Variants in DENND3 observed in about 807,000 individuals in gnomAD.
The protein encoded by DENND3 is DENN domain containing 3.
A neutral mutation model predicts 135.1 loss-of-function variants in DENND3; 88 were observed. That is an observed-to-expected ratio of 0.65 (90% confidence interval 0.55 to 0.78). The LOEUF (loss-of-function observed/expected upper bound fraction) is 0.78. Among genes scored for constraint, DENND3 ranks in the 30% least tolerant of loss-of-function variants. The pLI is 0.00. For synonymous variants in DENND3, 693 were observed against 712.3 expected (o/e 0.97, Z 0.43); for missense variants, 1,392 against 1,688.4 (o/e 0.82, Z 3.08).
chr8:141,158,501 C>T (rs1819723723), intron 8 of DENND3, among the ~76,000 whole-genome samples: 2 of 152,210 alleles, frequency 1.3e-5, no homozygotes, highest in African/African-American at 2.4e-5. Context: ...TGCAGGATGT[C>T]GTGTCTCCCA....
At chr8:141,160,860 C>T in intron 9 of DENND3, 73 bp downstream of exon 9, 2 of 1,533,354 alleles carry the variant, frequency 1.3e-6, no homozygotes, top group Admixed American at 1.8e-5. Flanking sequence ...GGATCGTGCA[C>T]CCCGCCCCAG....
chr8:141,165,889 C>A (rs1346450126), intron 11 of DENND3, among the ~76,000 whole-genome samples: 2 of 152,114 alleles, frequency 1.3e-5, no homozygotes, highest in Admixed American at 6.6e-5. Context: ...CCACCTCCCC[C>A]CATCCTCAAA....
chr8:141,155,925 A>G lies in DENND3; in HGVS notation c.1151A>G (p.Asp384Gly), dbSNP rs1396337699. The G allele has an allele frequency of 6.2e-7, 1 of 1,612,736 alleles. No homozygotes were observed. Among genetic ancestry groups the G allele is most frequent in the Non-Finnish European group, 8.5e-7 (1 of 1,179,218 alleles). Reference protein sequence around the residue: ...TYSKSTDDNVDIPDVPLLAAQ... With the variant: ...TYSKSTDDNVGIPDVPLLAAQ... ...TCCAAGTCCACGGACGATAACGTGGACATTCCTGATGTCCCCCTCCTGGCA... is the reference window on the plus strand; with the variant it reads ...TCCAAGTCCACGGACGATAACGTGGGCATTCCTGATGTCCCCCTCCTGGCA... The change falls in exon 8 of 23, where the codon GAC (aspartate) becomes GGC (glycine). Residue 384 changes from aspartate to glycine, a missense_variant. Transcript: ENST00000519811.
At chr8:141,183,753 A>AT (rs1555553575) in intron 17 of DENND3, among the ~76,000 whole-genome samples, 3 of 127,862 alleles carry the variant, frequency 2.3e-5, no homozygotes, top group African/African-American at 9.2e-5. Flanking sequence ...TTTTTTTTTA[A>AT]TTTAAAAAAA....
intron 8 of DENND3, among the ~76,000 whole-genome samples, chr8:141,159,659 C>T (rs184696254): frequency 6.6e-5 from 10 of 152,350 alleles, no homozygotes; most frequent in African/African-American, 2.4e-4. Flanking sequence ...CAGTGTATGG[C>T]ATACAGTAGG....
At position 141,145,803 on chromosome 8, in the gene DENND3, TTATATATATATATATATATATATATA is replaced by T. The variant is rs60546894; in HGVS notation, c.735+1566_735+1591del. On this transcript the variant is annotated intron_variant, in intron 5 of 22. Transcript: ENST00000519811. The stretch of plus-strand genomic sequence containing the variant: ...GTTTATTTGTCTTTAATATTGAATA[TTATATATATATATATATATATATATA>T]TATATATATATATATATATATGTAT... Among the ~76,000 whole-genome samples, 36 of 87,116 alleles carry T rather than the reference TTATATATATATATATATATATATATA, an allele frequency of 4.1e-4. 1 individual carries two copies. Among genetic ancestry groups the T allele is most frequent in the South Asian group, 3.8e-3 (9 of 2,394 alleles). The allele number at this position is 87,116 out of a possible 152,430, so 57.2% of individuals were successfully genotyped here.
rs1819176829 is a variant in DENND3 at position 141,154,360 on chromosome 8, C to T, written c.1075-1489C>T. ...ATTCCAGGGCTACGCGGTCTCTTAG[C>T]CCAGGCCCCTGCCCATGCTCTGGTG... On this transcript the variant is annotated intron_variant, in intron 7 of 22. Coordinates refer to ENST00000519811, the MANE Select transcript of DENND3 (RefSeq NM_001352890.3). This position sits in a 1 kb window ranked among gnomAD's most constrained non-coding sequence, Gnocchi z 4.4. Among the ~76,000 whole-genome samples the T allele has an allele frequency of 6.6e-6, 1 of 152,170 alleles. No individual in the cohort carries two copies.
intron 7 of DENND3, among the ~76,000 whole-genome samples, chr8:141,153,483 C>T (rs903738281): frequency 6.6e-6 from 1 of 152,230 alleles, no homozygotes; most frequent in Non-Finnish European, 1.5e-5. Context: ...TTGCCAGCTT[C>T]GCAGTCACCC....
At chr8:141,176,276 CA>C (rs1444997133) in intron 14 of DENND3, 47 of 159,388 alleles carry the variant, frequency 2.9e-4, no homozygotes, top group African/African-American at 2.1e-3. Context: ...TAAAAAAAAA[CA>C]AAAACAAAAC....
At chr8:141,131,284 G>A (rs1816060846) in intron 1 of DENND3, among the ~76,000 whole-genome samples, 1 of 152,176 alleles carries the variant, frequency 6.6e-6, no homozygotes, top group African/African-American at 2.4e-5. Context: ...TTGCTATGGA[G>A]ACTAGACATA....
intron 1 of DENND3, among the ~76,000 whole-genome samples, chr8:141,133,846 A>T (rs138485473): frequency 6.6e-6 from 1 of 152,158 alleles, no homozygotes; most frequent in East Asian, 1.9e-4. Flanking sequence ...TGAGACCGTA[A>T]GTTTAAGGGA....
At chr8:141,160,569 G>A (rs1019464119) in intron 8 of DENND3, 63 bp from the exon 9 acceptor site, 35 of 1,482,492 alleles carry the variant, frequency 2.4e-5, no homozygotes, top group Admixed American at 4.3e-5. Context: ...TGGGCTGTGT[G>A]CTGGTGAGCG....
Position 141,155,923 on chromosome 8 carries a change from G to C in DENND3, c.1149G>C (p.Val383=). 6.2e-7 allele frequency: 1 copy of C among 1,612,340 alleles called. No homozygotes were observed. The highest frequency in any genetic ancestry group is 1.1e-5 in the South Asian group (1 of 90,828). The change falls in exon 8 of 23, where the codon GTG becomes GTC. Residue 383 remains valine (V), a synonymous_variant. Coordinates refer to ENST00000519811, the MANE Select transcript of DENND3 (RefSeq NM_001352890.3). ...ITYSKSTDDN[V]DIPDVPLLAA... ...ACTCCAAGTCCACGGACGATAACGT[G>C]GACATTCCTGATGTCCCCCTCCTGG...
At chr8:141,170,869 C>T (rs536270689) in intron 13 of DENND3, among the ~76,000 whole-genome samples, 58 of 152,276 alleles carry the variant, frequency 3.8e-4, no homozygotes, top group African/African-American at 1.3e-3. Flanking sequence ...CTCCCGGTCA[C>T]GAGCCAGCCC....
intron 1 of DENND3, 105 bp from the exon 2 acceptor site, chr8:141,136,404 G>C (rs1816790398): frequency 8.2e-7 from 1 of 1,218,764 alleles, no homozygotes; most frequent in African/African-American, 1.5e-5. Context: ...AGTGTTTATG[G>C]GCACCGAGGG....
At chr8:141,151,558 C>G in intron 6 of DENND3, 61 bp from the exon 7 acceptor site, 5 of 1,478,670 alleles carry the variant, frequency 3.4e-6, no homozygotes, top group Non-Finnish European at 4.7e-6. Flanking sequence ...ACAGCGAGAC[C>G]CTGTCTGTAT....
intron 16 of DENND3, among the ~76,000 whole-genome samples, chr8:141,178,925 G>C (rs189337203): frequency 1.3e-5 from 2 of 152,362 alleles, no homozygotes; most frequent in Admixed American, 1.3e-4. Flanking sequence ...CTTCATCAGT[G>C]AGTGAGCACT....
rs150211643 is a variant in DENND3, at chr8:141,190,428, C to G, written c.3379+11C>G. 6.8e-4 allele frequency: 1,095 copies of G among 1,601,252 alleles called. 3 individuals carry two copies. The African/African-American group carries it at 0.012, about 18-fold the overall frequency. ...GCCGCCTGTGGTGCTGTAAGTCCGGCCCCTGCCATCAGAGCGGGCACCCTA... is the reference window on the plus strand; with the variant it reads ...GCCGCCTGTGGTGCTGTAAGTCCGGGCCCTGCCATCAGAGCGGGCACCCTA... On this transcript the variant is annotated intron_variant, in intron 20 of 22. Coordinates refer to ENST00000519811, the MANE Select transcript of DENND3 (RefSeq NM_001352890.3).
In DENND3 at chr8:141,167,007, C is replaced by T. The variant is rs1311631711; in HGVS notation, c.1753+618C>T. Among the ~76,000 whole-genome samples the T allele has an allele frequency of 3.3e-5, 5 of 152,308 alleles. No homozygotes were observed. The highest frequency in any genetic ancestry group is 3.9e-4 in the East Asian group (2 of 5,178). On this transcript the variant is annotated intron_variant, in intron 12 of 22. Coordinates refer to ENST00000519811, the MANE Select transcript of DENND3 (RefSeq NM_001352890.3). The surrounding 1 kb of genome is among the most constrained non-coding windows in gnomAD (Gnocchi z 4.1). ...CCCAGGGCACCTGCTGCTGCTGTCT[C>T]GGGCCCAGGCAGCAAGTACCATGTG...
Sources: gnomAD v4.1 joint callset for allele counts (sites outside exome capture counted in the v4.1 genomes callset) on GRCh38, gnomAD v4.1.1 for gene constraint, Gnocchi (gnomAD v3.1) non-coding constraint, MANE v1.5 for transcripts, NCBI Gene and HGNC (gene_info 2026-07-23, HGNC 2026-07-21) for gene names.